The following GBE1 variants were observed in gnomAD, a reference collection of about 807,000 sequenced individuals.
GBE1 encodes 1,4-alpha-glucan branching enzyme 1.
Under a neutral mutation model 88.8 loss-of-function variants are expected in GBE1, and 70 were observed. The observed-to-expected ratio is 0.79, with a 90% confidence interval of 0.65 to 0.96. The LOEUF (loss-of-function observed/expected upper bound fraction) is 0.96, where lower values mean the gene tolerates loss of function less well. Among genes scored for constraint, GBE1 ranks in the 40% least tolerant of loss-of-function variants. The pLI is 0.00. For missense variants in GBE1, 872 were observed against 871.0 expected, an observed-to-expected ratio of 1.00 and a Z score of -0.01; for synonymous variants, 284 against 300.1, an observed-to-expected ratio of 0.95 and a Z score of 0.56.
chr3:81,668,465 T>G (rs1479484021), intron 3 of GBE1, among the ~76,000 whole-genome samples: 3 of 152,218 alleles, frequency 2.0e-5, no homozygotes, highest in African/African-American at 7.2e-5. Context: ...AAGTACTTAC[T>G]GTATCGAGTT....
At chr3:81,532,015 A>G (rs935413313) in intron 14 of GBE1, among the ~76,000 whole-genome samples, 5 of 151,974 alleles carry the variant, frequency 3.3e-5, no homozygotes, top group Non-Finnish European at 1.5e-5. Context: ...GTTCCAATGC[A>G]AAGTCCCACA....
chr3:81,516,908 G>A (rs1448284008), intron 14 of GBE1, among the ~76,000 whole-genome samples: 2 of 151,552 alleles, frequency 1.3e-5, no homozygotes, highest in African/African-American at 2.4e-5. Context: ...TTTAATGGAT[G>A]AGGAATTGCT....
intron 1 of GBE1, among the ~76,000 whole-genome samples, chr3:81,715,439 A>ACCAT (rs1394827927): frequency 6.6e-6 from 1 of 152,128 alleles, no homozygotes; most frequent in Non-Finnish European, 1.5e-5. Flanking sequence ...GTTAATTCCC[A>ACCAT]CCATTTCACT....
At chr3:81,501,122 G>A (rs1304691658) in intron 14 of GBE1, among the ~76,000 whole-genome samples, 1 of 152,054 alleles carries the variant, frequency 6.6e-6, no homozygotes, top group Non-Finnish European at 1.5e-5. Context: ...AAAGAAAAAA[G>A]GAAAGAAACC....
intron 1 of GBE1, among the ~76,000 whole-genome samples, chr3:81,724,107 T>C (rs1706075298): frequency 6.6e-6 from 1 of 152,134 alleles, no homozygotes; most frequent in South Asian, 2.1e-4. Flanking sequence ...CTGAGAAAAG[T>C]ATATTTGACA....
chr3:81,748,006 G>A (rs1706441538), intron 1 of GBE1, among the ~76,000 whole-genome samples: 1 of 152,182 alleles, frequency 6.6e-6, no homozygotes, highest in South Asian at 2.1e-4. Flanking sequence ...TGTAATCCCA[G>A]CTACTAGGGA....
At chr3:81,744,871 T>G (rs565117178) in intron 1 of GBE1, among the ~76,000 whole-genome samples, 1 of 152,160 alleles carries the variant, frequency 6.6e-6, no homozygotes, top group Non-Finnish European at 1.5e-5. Context: ...CCCACAGACT[T>G]CCACATTCTT....
At chr3:81,526,670 T>G (rs998235983) in intron 14 of GBE1, among the ~76,000 whole-genome samples, 120 of 152,098 alleles carry the variant, frequency 7.9e-4, no homozygotes, top group Non-Finnish European at 1.1e-3. Flanking sequence ...CAAGGGATGT[T>G]AAGGACCTCT....
intron 1 of GBE1, among the ~76,000 whole-genome samples, chr3:81,740,349 G>A (rs1706329032): frequency 6.6e-6 from 1 of 151,176 alleles, no homozygotes; most frequent in Admixed American, 6.6e-5. Flanking sequence ...AAGAAAATAA[G>A]ATTTTCAGCT....
chr3:81,626,103 C>T lies in GBE1; in HGVS notation c.992+16678G>A, dbSNP rs1182320626. Among the ~76,000 whole-genome samples the T allele has an allele frequency of 2.6e-5, 4 of 152,118 alleles. No homozygotes were observed. In the East Asian group the frequency reaches 5.8e-4, roughly 22 times the overall value. Reference sequence around the variant, plus strand: ...AATAAAGTAAACAACAAAACAATGCCGGCACTGCTCAGTAAGGAGCAGCTC... The same window carrying T: ...AATAAAGTAAACAACAAAACAATGCTGGCACTGCTCAGTAAGGAGCAGCTC... On this transcript the variant is annotated intron_variant, in intron 7 of 15. Coordinates refer to ENST00000429644, the MANE Select transcript of GBE1 (RefSeq NM_000158.4).
At chr3:81,491,321 G>T (rs1396699104) in intron 15 of GBE1, among the ~76,000 whole-genome samples, 1 of 151,996 alleles carries the variant, frequency 6.6e-6, no homozygotes, top group Non-Finnish European at 1.5e-5. Flanking sequence ...GATTTTTCAG[G>T]TTTACCATCT....
intron 1 of GBE1, among the ~76,000 whole-genome samples, chr3:81,730,526 C>T (rs1706171551): frequency 6.6e-6 from 1 of 152,152 alleles, no homozygotes; most frequent in Admixed American, 6.6e-5. Context: ...ATCATATTTT[C>T]AGTTAATTGA....
At chr3:81,732,508 T>C (rs1226627879) in intron 1 of GBE1, among the ~76,000 whole-genome samples, 1 of 152,194 alleles carries the variant, frequency 6.6e-6, no homozygotes, top group Non-Finnish European at 1.5e-5. Flanking sequence ...TTTTTCCTAT[T>C]GTTCATTCCA....
At chr3:81,649,945 T>C (rs1350193789) in intron 3 of GBE1, 24 bp from the exon 4 acceptor site, 4 of 1,577,968 alleles carry the variant, frequency 2.5e-6, no homozygotes, top group South Asian at 2.2e-5. Context: ...GACATGTTAT[T>C]GCTTTAAAAT....
At chr3:81,659,077 T>G (rs1704984488) in intron 3 of GBE1, among the ~76,000 whole-genome samples, 1 of 151,962 alleles carries the variant, frequency 6.6e-6, no homozygotes, top group Non-Finnish European at 1.5e-5. Context: ...ACTGAAAGAG[T>G]GTGCTTCAAA....
At chr3:81,509,294 CTTTTTTTTT>C (rs34753672) in intron 14 of GBE1, among the ~76,000 whole-genome samples, 1 of 123,790 alleles carries the variant, frequency 8.1e-6, no homozygotes, top group African/African-American at 3.0e-5. Context: ...TAGGGTTTGT[CTTTTTTTTT>C]TTTTTTTTAT....
At chr3:81,527,575 T>C (rs964702787) in intron 14 of GBE1, among the ~76,000 whole-genome samples, 3 of 152,246 alleles carry the variant, frequency 2.0e-5, no homozygotes, top group Non-Finnish European at 4.4e-5. Flanking sequence ...CAGACACTTC[T>C]CAAAAGAAGA....
chr3:81,649,726 T>C, intron 4 of GBE1, 70 bp downstream of exon 4: 1 of 1,339,494 alleles, frequency 7.5e-7, no homozygotes, highest in South Asian at 1.4e-5. Flanking sequence ...CTATAAAAGT[T>C]ATAAAAGTAA....
intron 7 of GBE1, among the ~76,000 whole-genome samples, chr3:81,597,426 TATATATATATATCTCAAAA>T (rs1303008912): frequency 5.4e-4 from 80 of 147,324 alleles, no homozygotes; most frequent in African/African-American, 1.7e-3. Flanking sequence ...TGATGTCAAA[TATATATATATATCTCAAAA>T]ATATATATAT....
Sources: allele counts gnomAD v4.1 joint callset (sites outside exome capture counted in the v4.1 genomes callset), GRCh38; gene constraint gnomAD v4.1.1; transcripts MANE v1.5; gene names NCBI Gene and HGNC (gene_info 2026-07-23, HGNC 2026-07-21).